Variants in ARK2C observed in about 807,000 individuals in gnomAD.
ARK2C encodes the protein E3 ubiquitin-protein ligase ARK2C.
chr18:46,345,485 G>A, the ARK2C span, among the ~76,000 whole-genome samples: 1 of 152,180 alleles, frequency 6.6e-6, no homozygotes, highest in Non-Finnish European at 1.5e-5. Context: ...CTCAGCTGGT[G>A]TCTCTCAGCC....
the ARK2C span, among the ~76,000 whole-genome samples, chr18:46,377,510 C>T: frequency 6.6e-6 from 1 of 152,076 alleles, no homozygotes; most frequent in Non-Finnish European, 1.5e-5. Context: ...GGGGATTTTC[C>T]TGGAGGAAGC....
chr18:46,346,096 G>A, the ARK2C span, among the ~76,000 whole-genome samples: 250 of 152,284 alleles, frequency 1.6e-3, 1 homozygote, highest in African/African-American at 5.9e-3. Flanking sequence ...GACTGGGTGA[G>A]GCTTGAGGAC....
chr18:46,421,359 T>A, the ARK2C span, among the ~76,000 whole-genome samples: 1 of 149,566 alleles, frequency 6.7e-6, no homozygotes, highest in Non-Finnish European at 1.5e-5. Context: ...TGCTCACCTG[T>A]TCGTGATCAT....
At chr18:46,371,097 G>A in the ARK2C span, among the ~76,000 whole-genome samples, 1 of 152,110 alleles carries the variant, frequency 6.6e-6, no homozygotes, top group African/African-American at 2.4e-5. Context: ...CAGGCAAGAG[G>A]GTGTGTGCAG....
At chr18:46,336,982 G>A in the ARK2C span, 1 of 985,312 alleles carries the variant, frequency 1.0e-6, no homozygotes, top group Non-Finnish European at 1.2e-6. Context: ...CATGGCCATA[G>A]CGTCTTAATT....
chr18:46,358,843 G>A, the ARK2C span, among the ~76,000 whole-genome samples: 1 of 152,190 alleles, frequency 6.6e-6, no homozygotes, highest in African/African-American at 2.4e-5. Context: ...CTAGAGGAGG[G>A]CCTGCTCAGA....
chr18:46,439,239 G>C, the ARK2C span, among the ~76,000 whole-genome samples: 17 of 152,350 alleles, frequency 1.1e-4, no homozygotes, highest in African/African-American at 4.1e-4. Flanking sequence ...GCTTTGTTGG[G>C]TTTTTCCCTC....
chr18:46,417,890 G>C, the ARK2C span, among the ~76,000 whole-genome samples: 1 of 152,008 alleles, frequency 6.6e-6, no homozygotes, highest in Non-Finnish European at 1.5e-5. Flanking sequence ...TGTAATCCCA[G>C]CTACTCGGGA....
the ARK2C span, among the ~76,000 whole-genome samples, chr18:46,398,969 G>C: frequency 2.6e-5 from 4 of 152,088 alleles, no homozygotes; most frequent in Non-Finnish European, 4.4e-5. Flanking sequence ...TCTTGTTAAA[G>C]GGCAGGCTCC....
At chr18:46,433,494 C>A in the ARK2C span, 1 of 1,607,050 alleles carries the variant, frequency 6.2e-7, no homozygotes, top group South Asian at 1.1e-5. Flanking sequence ...GCAGGCTGGT[C>A]TCGCACCCCA....
the ARK2C span, among the ~76,000 whole-genome samples, chr18:46,408,756 A>C: frequency 6.6e-6 from 1 of 152,218 alleles, no homozygotes. Context: ...CTGTCAGATC[A>C]GTTTGTCTGT....
the ARK2C span, among the ~76,000 whole-genome samples, chr18:46,381,010 G>A: frequency 6.6e-6 from 1 of 152,238 alleles, no homozygotes; most frequent in Non-Finnish European, 1.5e-5. Flanking sequence ...AGGAACGCAT[G>A]CCTCATGTCC....
the ARK2C span, among the ~76,000 whole-genome samples, chr18:46,359,560 G>A: frequency 6.6e-4 from 101 of 152,324 alleles, no homozygotes; most frequent in African/African-American, 2.3e-3. Flanking sequence ...CCAAGAGAAT[G>A]TAAGAACTGA....
chr18:46,373,744 G>C, the ARK2C span, among the ~76,000 whole-genome samples: 1 of 152,158 alleles, frequency 6.6e-6, no homozygotes, highest in East Asian at 1.9e-4. Flanking sequence ...AGGTGTGGGG[G>C]GAATTGTTAT....
the ARK2C span, among the ~76,000 whole-genome samples, chr18:46,393,971 G>A: frequency 3.3e-5 from 5 of 152,334 alleles, no homozygotes; most frequent in African/African-American, 7.2e-5. Flanking sequence ...TCTGGAGGGA[G>A]GATGCAGTGG....
the ARK2C span, among the ~76,000 whole-genome samples, chr18:46,420,194 T>C: frequency 6.6e-6 from 1 of 152,148 alleles, no homozygotes; most frequent in African/African-American, 2.4e-5. Context: ...CCTTAAAACG[T>C]AACCACTCCT....
the ARK2C span, among the ~76,000 whole-genome samples, chr18:46,403,928 T>A: frequency 9.9e-4 from 150 of 152,244 alleles, no homozygotes; most frequent in African/African-American, 3.5e-3. Context: ...TCTGGTATTC[T>A]TCATCTACCA....
chr18:46,358,108 C>G, the ARK2C span, among the ~76,000 whole-genome samples: 1 of 152,244 alleles, frequency 6.6e-6, no homozygotes, highest in Non-Finnish European at 1.5e-5. Context: ...GTCACACTCA[C>G]AGGTACTGGG....
chr18:46,383,753 A>T, the ARK2C span, among the ~76,000 whole-genome samples: 1 of 151,226 alleles, frequency 6.6e-6, no homozygotes, highest in Admixed American at 6.6e-5. Context: ...ACGGGGTTTC[A>T]CCGTGTTGGC....
Sources: gnomAD v4.1 joint callset for allele counts (sites outside exome capture counted in the v4.1 genomes callset) on GRCh38, gnomAD v4.1.1 for gene constraint, MANE v1.5 for transcripts, NCBI Gene and HGNC (gene_info 2026-07-23, HGNC 2026-07-21) for gene names.